Variants in LCLAT1 observed in about 807,000 individuals in gnomAD.
The protein encoded by LCLAT1 is 1-AGP acyltransferase 8.
Under a neutral mutation model 30.7 loss-of-function variants are expected in LCLAT1, and 11 were observed. The ratio of observed to expected loss-of-function variants is 0.36; its 90% CI spans 0.23 to 0.59. The LOEUF is 0.59. Among genes scored for constraint, LCLAT1 ranks in the 20% least tolerant of loss-of-function variants. The pLI is 0.77. For synonymous variants in LCLAT1, 155 were observed against 151.3 expected (o/e 1.02, Z -0.18); for missense variants, 402 against 458.6 (o/e 0.88, Z 1.13).
intron 5 of LCLAT1, among the ~76,000 whole-genome samples, chr2:30,638,068 A>G (rs1669122200): frequency 6.6e-6 from 1 of 152,228 alleles, no homozygotes; most frequent in Admixed American, 6.5e-5. Context: ...TTCATTTATA[A>G]AGCAGCTCTC....
chr2:30,621,397 T>G (rs1668241522), intron 5 of LCLAT1, among the ~76,000 whole-genome samples: 1 of 151,976 alleles, frequency 6.6e-6, no homozygotes, highest in South Asian at 2.1e-4. Flanking sequence ...TGAAAGAGAT[T>G]AGTGCCCTTA....
chr2:30,617,019 C>A (rs1291014307), intron 5 of LCLAT1, among the ~76,000 whole-genome samples: 2 of 151,962 alleles, frequency 1.3e-5, no homozygotes. Flanking sequence ...ATTTGAGACG[C>A]CTTAAAAAAA....
intron 1 of LCLAT1, among the ~76,000 whole-genome samples, chr2:30,506,803 T>G (rs1684684822): frequency 6.6e-6 from 1 of 152,148 alleles, no homozygotes; most frequent in Non-Finnish European, 1.5e-5. Context: ...TGCAGACATG[T>G]TCATCAGAAT....
At chr2:30,523,145 C>T (rs989379533) in intron 1 of LCLAT1, among the ~76,000 whole-genome samples, 3 of 150,378 alleles carry the variant, frequency 2.0e-5, no homozygotes, top group East Asian at 2.0e-4. Flanking sequence ...GAAAAAAAAA[C>T]AGTAGATAGA....
At chr2:30,580,913 G>A (rs1420345800) in intron 5 of LCLAT1, among the ~76,000 whole-genome samples, 2 of 152,056 alleles carry the variant, frequency 1.3e-5, no homozygotes, top group Non-Finnish European at 2.9e-5. Flanking sequence ...AGACCTGTTG[G>A]CTTTAGCATC....
chr2:30,583,695 C>T (rs1433264062), intron 5 of LCLAT1, among the ~76,000 whole-genome samples: 3 of 152,122 alleles, frequency 2.0e-5, no homozygotes, highest in African/African-American at 7.2e-5. Flanking sequence ...TGAATCTTGA[C>T]GAGTGAGCTG....
chr2:30,481,853 G>T (rs1216531187), intron 1 of LCLAT1, among the ~76,000 whole-genome samples: 3 of 152,164 alleles, frequency 2.0e-5, no homozygotes, highest in Non-Finnish European at 4.4e-5. Flanking sequence ...AACCCATTCA[G>T]TAAGCCTAGG....
At chr2:30,517,050 C>A (rs1459453680) in intron 1 of LCLAT1, among the ~76,000 whole-genome samples, 1 of 152,206 alleles carries the variant, frequency 6.6e-6, no homozygotes, top group Non-Finnish European at 1.5e-5. Flanking sequence ...GAAGTCTCTA[C>A]TCCACAGTCG....
rs1417188359 is a variant in LCLAT1, at chr2:30,503,570, A to G, written c.-4-22017A>G. Among the ~76,000 whole-genome samples the G allele has an allele frequency of 1.8e-4, 28 of 152,190 alleles. 1 individual carries two copies. Among genetic ancestry groups the G allele is most frequent in the Admixed American group, 1.8e-3 (28 of 15,280 alleles). ...ATAGAGTTCCACTTAGCATGGGTGT[A>G]TGTGGTTTTAACTTTTACATCTTGA... On this transcript the variant is annotated intron_variant, in intron 1 of 5. Transcript: ENST00000379509.
intron 1 of LCLAT1, among the ~76,000 whole-genome samples, chr2:30,504,676 A>G (rs1051717754): frequency 1.3e-5 from 2 of 152,142 alleles, no homozygotes; most frequent in African/African-American, 4.8e-5. Context: ...GGCTACAGCT[A>G]AGCTACTTCT....
intron 5 of LCLAT1, among the ~76,000 whole-genome samples, chr2:30,584,920 G>C (rs1169155205): frequency 7.9e-6 from 1 of 126,350 alleles, no homozygotes; most frequent in Non-Finnish European, 1.6e-5. Context: ...TTGCTGCCCT[G>C]ATAAGGAACC....
intron 1 of LCLAT1, among the ~76,000 whole-genome samples, chr2:30,461,898 G>A (rs935830780): frequency 2.7e-5 from 4 of 150,408 alleles, no homozygotes; most frequent in Admixed American, 1.3e-4. Context: ...AGCCTCCCGC[G>A]TAGCTGGGAC....
chr2:30,599,120 T>C (rs1667064022), intron 5 of LCLAT1, among the ~76,000 whole-genome samples: 1 of 152,132 alleles, frequency 6.6e-6, no homozygotes, highest in Admixed American at 6.6e-5. Context: ...TAGCTGGGAA[T>C]ACAGACATGC....
At chr2:30,463,959 A>G (rs991525335) in intron 1 of LCLAT1, among the ~76,000 whole-genome samples, 2 of 152,196 alleles carry the variant, frequency 1.3e-5, no homozygotes, top group African/African-American at 4.8e-5. Context: ...TACTTTTATG[A>G]GTACTTTTGT....
intron 1 of LCLAT1, among the ~76,000 whole-genome samples, chr2:30,487,733 G>T (rs1427817435): frequency 6.6e-6 from 1 of 152,194 alleles, no homozygotes; most frequent in African/African-American, 2.4e-5. Context: ...AATTTAAGTT[G>T]TACAGTCAGC....
intron 5 of LCLAT1, among the ~76,000 whole-genome samples, chr2:30,613,302 A>G (rs1157647953): frequency 6.6e-6 from 1 of 152,142 alleles, no homozygotes; most frequent in Admixed American, 6.6e-5. Context: ...TTATTAAAGG[A>G]TTACTCTGGC....
At chr2:30,622,188 C>T (rs1011309983) in intron 5 of LCLAT1, among the ~76,000 whole-genome samples, 7 of 152,130 alleles carry the variant, frequency 4.6e-5, no homozygotes, top group East Asian at 1.9e-4. Flanking sequence ...CATAATCCAC[C>T]TGAGAACATA....
At chr2:30,551,151 A>G (rs967408832) in intron 3 of LCLAT1, among the ~76,000 whole-genome samples, 8 of 152,136 alleles carry the variant, frequency 5.3e-5, no homozygotes, top group African/African-American at 1.7e-4. Flanking sequence ...GCTAATTTAA[A>G]ATAAATTTTA....
chr2:30,593,935 A>C (rs1666805266), intron 5 of LCLAT1, among the ~76,000 whole-genome samples: 1 of 151,604 alleles, frequency 6.6e-6, no homozygotes. Flanking sequence ...AAAAAAAAAA[A>C]AAAGACATGT....
Sources: allele counts gnomAD v4.1 joint callset (sites outside exome capture counted in the v4.1 genomes callset), GRCh38; gene constraint gnomAD v4.1.1; transcripts MANE v1.5; gene names NCBI Gene and HGNC (gene_info 2026-07-23, HGNC 2026-07-21).